Variants in POLH observed in about 807,000 individuals in gnomAD.
POLH encodes the protein DNA polymerase eta.
In POLH, 53 loss-of-function variants were observed where a neutral mutation model predicts 73.6. The ratio of observed to expected loss-of-function variants is 0.72; its 90% CI spans 0.58 to 0.91. POLH has a LOEUF of 0.91. POLH is among the 40% of genes least tolerant of loss of function. POLH has a pLI of 0.00. For missense variants in POLH, 768 were observed against 865.4 expected (o/e 0.89, Z 1.41); for synonymous variants, 292 against 308.5 (o/e 0.95, Z 0.56).
At chr6:43,600,904 T>C in intron 5 of POLH, 84 bp from the exon 6 acceptor site, 1 of 839,714 alleles carries the variant, frequency 1.2e-6, no homozygotes, top group Non-Finnish European at 2.1e-6. Flanking sequence ...AAGCTCTGTG[T>C]GTGTGTATGT....
In POLH at chr6:43,617,284, C is replaced by G. The variant is rs1029384323; in HGVS notation, c.*2727C>G. On this transcript the variant is annotated 3_prime_UTR_variant, in exon 11 of 11. Coordinates refer to ENST00000372236, the MANE Select transcript of POLH (RefSeq NM_006502.3). ...CACCAGGGAACTTATTAGAAATAGTCTCAGCCTCACCACTATTCCCACTTA... is the reference window on the plus strand; with the variant it reads ...CACCAGGGAACTTATTAGAAATAGTGTCAGCCTCACCACTATTCCCACTTA... Among the ~76,000 whole-genome samples the G allele has an allele frequency of 1.3e-5, 2 of 152,316 alleles. No individual in the cohort carries two copies. The highest frequency in any genetic ancestry group is 3.9e-4 in the East Asian group (2 of 5,182).
Position 43,610,609 on chromosome 6 carries a change from G to A in POLH, c.1130G>A (p.Arg377His), listed in dbSNP as rs766053994. The A allele has an allele frequency of 3.5e-5, 57 of 1,613,804 alleles. No individual in the cohort carries two copies. Among genetic ancestry groups the A allele is most frequent in the South Asian group, 4.4e-5 (4 of 91,070 alleles). The change falls in exon 10 of 11, where the codon CGC (arginine) becomes CAC (histidine). Residue 377 changes from arginine to histidine, a missense_variant. Arg to His is a conservative substitution (Grantham distance 29, BLOSUM62 0). Coordinates refer to ENST00000372236, the MANE Select transcript of POLH (RefSeq NM_006502.3). Reference protein sequence around the residue: ...VVSIRVQGDKRLSSLRRCCAL... With the variant: ...VVSIRVQGDKHLSSLRRCCAL... Reference sequence around the variant, plus strand: ...AGCATTCGTGTACAAGGAGACAAACGCCTCAGCAGCCTGCGCCGCTGCTGT... The same window carrying A: ...AGCATTCGTGTACAAGGAGACAAACACCTCAGCAGCCTGCGCCGCTGCTGT...
intron 4 of POLH, among the ~76,000 whole-genome samples, chr6:43,596,432 G>A (rs1266827007): frequency 6.7e-6 from 1 of 149,604 alleles, no homozygotes; most frequent in African/African-American, 2.5e-5. Context: ...GCAGTGAGGC[G>A]AGATCATGCC....
intron 3 of POLH, among the ~76,000 whole-genome samples, chr6:43,583,665 C>A (rs1453629402): frequency 6.6e-6 from 1 of 152,112 alleles, no homozygotes; most frequent in Admixed American, 6.5e-5. Context: ...GGCACAAACC[C>A]CAGCCTTTAA....
At chr6:43,605,516 AT>A in intron 9 of POLH, 197 bp downstream of exon 9, 1 of 512,982 alleles carries the variant, frequency 1.9e-6, no homozygotes, top group Non-Finnish European at 3.4e-6. Flanking sequence ...TGGCACAATC[AT>A]GGCTCACTGC....
Position 43,616,202 on chromosome 6 carries a change from C to T in POLH, c.*1645C>T, listed in dbSNP as rs1768327204. On this transcript the variant is annotated 3_prime_UTR_variant, in exon 11 of 11. Transcript: ENST00000372236. ...GGCTGAGGCAGGAGAATGGTGTGAA[C>T]CCGGGAGGCGGAGCTTGCAGTGAGC... Among the ~76,000 whole-genome samples, 1 of 150,518 alleles carries T rather than the reference C, an allele frequency of 6.6e-6. No homozygotes were observed. The highest frequency in any genetic ancestry group is 2.1e-4 in the South Asian group (1 of 4,750).
intron 1 of POLH, among the ~76,000 whole-genome samples, chr6:43,581,618 G>T (rs979890156): frequency 6.8e-6 from 1 of 146,688 alleles, no homozygotes; most frequent in African/African-American, 2.7e-5. Context: ...GCTCGCCGGC[G>T]CGGCGGCAAA....
At chr6:43,577,768 T>C (rs970775208) in intron 1 of POLH, among the ~76,000 whole-genome samples, 3 of 152,226 alleles carry the variant, frequency 2.0e-5, no homozygotes, top group African/African-American at 7.2e-5. Context: ...AACTGCTGCA[T>C]ATTGGAATTA....
intron 1 of POLH, among the ~76,000 whole-genome samples, chr6:43,579,219 C>T (rs971870720): frequency 1.3e-5 from 2 of 152,200 alleles, no homozygotes; most frequent in African/African-American, 2.4e-5. Context: ...TCTTCCCCTG[C>T]CTTTCTGATT....
At chr6:43,604,841 A>G in intron 8 of POLH, 103 bp downstream of exon 8, 1 of 1,195,322 alleles carries the variant, frequency 8.4e-7, no homozygotes, top group East Asian at 2.3e-5. Context: ...ACCTTTATAA[A>G]GTATGAAGAA....
At chr6:43,610,890 A>G (rs568296420) in intron 10 of POLH, among the ~76,000 whole-genome samples, 167 bp downstream of exon 10, 5 of 152,308 alleles carry the variant, frequency 3.3e-5, no homozygotes, top group South Asian at 4.1e-4. Context: ...TGTACAGATT[A>G]GTCCTTCAAT....
intron 4 of POLH, among the ~76,000 whole-genome samples, chr6:43,595,581 A>G (rs1426133663): frequency 6.6e-6 from 1 of 152,026 alleles, no homozygotes; most frequent in African/African-American, 2.4e-5. Context: ...CCCCATCCCT[A>G]CTAAAAAAAA....
At chr6:43,586,564 TGAATA>T (rs1190335331) in intron 3 of POLH, among the ~76,000 whole-genome samples, 1 of 152,216 alleles carries the variant, frequency 6.6e-6, no homozygotes, top group African/African-American at 2.4e-5. Flanking sequence ...TATTAAAGTT[TGAATA>T]GAAGACATAC....
chr6:43,585,632 C>CTTTTTTTTTTTTTTTTTTTTTTTTTTT, intron 3 of POLH, among the ~76,000 whole-genome samples: 1 of 133,122 alleles, frequency 7.5e-6, no homozygotes, highest in African/African-American at 3.4e-5. Context: ...ATTGCTCTTT[C>CTTTTTTTTTTTTTTTTTTTTTTTTTTT]TTTTCTTTTT....
chr6:43,603,145 G>A (rs1766919762), intron 6 of POLH, among the ~76,000 whole-genome samples: 1 of 150,794 alleles, frequency 6.6e-6, no homozygotes, highest in Non-Finnish European at 1.5e-5. Context: ...GGGAGCACAG[G>A]CACATGCCAC....
intron 9 of POLH, among the ~76,000 whole-genome samples, chr6:43,608,187 TTTATTA>T (rs1767506304): frequency 6.6e-6 from 1 of 152,146 alleles, no homozygotes; most frequent in South Asian, 2.1e-4. Flanking sequence ...GGGTTGTCTC[TTTATTA>T]TTGAGTTTTA....
chr6:43,591,750 G>A (rs1765487555), intron 4 of POLH, among the ~76,000 whole-genome samples: 1 of 151,838 alleles, frequency 6.6e-6, no homozygotes, highest in Non-Finnish European at 1.5e-5. Context: ...GCTGGCCTCC[G>A]AAAAATTTGT....
intron 3 of POLH, among the ~76,000 whole-genome samples, 191 bp downstream of exon 3, chr6:43,583,332 A>G (rs1266449953): frequency 6.6e-6 from 1 of 152,232 alleles, no homozygotes; most frequent in Non-Finnish European, 1.5e-5. Flanking sequence ...CAAAACCATT[A>G]TACCATATAA....
At chr6:43,595,048 T>C (rs1419443611) in intron 4 of POLH, among the ~76,000 whole-genome samples, 1 of 151,694 alleles carries the variant, frequency 6.6e-6, no homozygotes, top group Non-Finnish European at 1.5e-5. Context: ...AAATACAAAT[T>C]AGCTGGGCGT....
Sources: allele counts gnomAD v4.1 joint callset (sites outside exome capture counted in the v4.1 genomes callset), GRCh38; gene constraint gnomAD v4.1.1; transcripts MANE v1.5; gene names NCBI Gene and HGNC (gene_info 2026-07-23, HGNC 2026-07-21).